The following DMXL1 variants were observed in gnomAD, a reference collection of about 807,000 sequenced individuals.
The protein encoded by DMXL1 is dmX-like protein 1.
In DMXL1, 99 loss-of-function variants were observed where a neutral mutation model predicts 319.2. The ratio of observed to expected loss-of-function variants is 0.31; its 90% CI spans 0.26 to 0.37. The LOEUF (loss-of-function observed/expected upper bound fraction) is 0.37, where lower values mean the gene tolerates loss of function less well. DMXL1 is among the 10% of genes least tolerant of loss of function. DMXL1 has a pLI of 1.00. For missense variants in DMXL1, 3,745 were observed against 3,595.6 expected (o/e 1.04, Z -1.06); for synonymous variants, 1,385 against 1,235.2 (o/e 1.12, Z -2.54).
intron 1 of DMXL1, among the ~76,000 whole-genome samples, chr5:119,076,008 T>G (rs1750770159): frequency 6.6e-6 from 1 of 152,232 alleles, no homozygotes; most frequent in Non-Finnish European, 1.5e-5. Context: ...CTTTTTCTTT[T>G]GTGGTTTATC....
intron 35 of DMXL1, among the ~76,000 whole-genome samples, chr5:119,217,848 T>C (rs780685956): frequency 4.6e-5 from 7 of 152,146 alleles, no homozygotes; most frequent in Non-Finnish European, 8.8e-5. Flanking sequence ...TTCTGTGCTA[T>C]GTCTGTCTTC....
chr5:119,201,712 G>T (rs2150442943), intron 32 of DMXL1, among the ~76,000 whole-genome samples: 1 of 152,078 alleles, frequency 6.6e-6, no homozygotes, highest in South Asian at 2.1e-4. Flanking sequence ...GCCTTTTTTG[G>T]TTGGTATGCT....
chr5:119,203,268 TAGTC>T (rs1355661899), intron 32 of DMXL1, 47 bp from the exon 33 acceptor site: 1 of 1,174,690 alleles, frequency 8.5e-7, no homozygotes, highest in Non-Finnish European at 1.2e-6. Context: ...GTTATCAAGT[TAGTC>T]AGAAATTTCT....
chr5:119,122,858 G>A (rs546320267), intron 9 of DMXL1, among the ~76,000 whole-genome samples: 4 of 150,604 alleles, frequency 2.7e-5, no homozygotes, highest in South Asian at 2.1e-4. Flanking sequence ...CATCCCAGAC[G>A]ATGGGCGGCC....
chr5:119,201,458 G>C lies in DMXL1; in HGVS notation c.7746-1861G>C, dbSNP rs1188684395. Among the ~76,000 whole-genome samples, 3 of 152,034 alleles carry C rather than the reference G, an allele frequency of 2.0e-5. No homozygotes were observed. In the South Asian group the frequency reaches 6.2e-4, roughly 32 times the overall value. On this transcript the variant is annotated intron_variant, in intron 32 of 43. Transcript: ENST00000539542. ...AATTAGCTTTTTGATGTGCTGCTGG[G>C]TTTGGTTTGCAAGTATTTTGTTGAG...
chr5:119,105,427 T>C (rs947428566), intron 4 of DMXL1, among the ~76,000 whole-genome samples, 169 bp downstream of exon 4: 11 of 152,212 alleles, frequency 7.2e-5, no homozygotes, highest in Admixed American at 2.0e-4. Flanking sequence ...AAGACAGATA[T>C]GCACTGTAAG....
At chr5:119,227,641 T>C (rs1412351447) in intron 38 of DMXL1, among the ~76,000 whole-genome samples, 1 of 152,152 alleles carries the variant, frequency 6.6e-6, no homozygotes, top group Non-Finnish European at 1.5e-5. Flanking sequence ...AGGTATCTTA[T>C]TTGCTCTGTC....
chr5:119,130,740 G>T (rs555395909), intron 10 of DMXL1, among the ~76,000 whole-genome samples: 1 of 152,056 alleles, frequency 6.6e-6, no homozygotes, highest in Non-Finnish European at 1.5e-5. Context: ...TGTCTAACAG[G>T]TCTTCTATTG....
intron 1 of DMXL1, among the ~76,000 whole-genome samples, chr5:119,082,969 T>C (rs1325824752): frequency 6.6e-6 from 1 of 152,208 alleles, no homozygotes; most frequent in East Asian, 1.9e-4. Flanking sequence ...TATTTGTCTT[T>C]CTGAGCTTGG....
chr5:119,126,142 G>T (rs1020150190), intron 9 of DMXL1, among the ~76,000 whole-genome samples: 1 of 152,108 alleles, frequency 6.6e-6, no homozygotes, highest in Non-Finnish European at 1.5e-5. Context: ...AATTAGCCAG[G>T]CGTGGTGGTG....
chr5:119,196,189 C>T (rs1779591599), intron 30 of DMXL1, among the ~76,000 whole-genome samples, 182 bp from the exon 31 acceptor site: 1 of 152,120 alleles, frequency 6.6e-6, no homozygotes, highest in Non-Finnish European at 1.5e-5. Context: ...TTGGTTATTT[C>T]TACACTTCTG....
rs968932150 is a variant in DMXL1, at chr5:119,149,976, C to T, written c.4149C>T (p.Thr1383=). ...CAATCAGTGCTAGTGGAAGCACTAC[C>T]AGAGACCCCCAGGCATTCAACAAGG... The part of the protein sequence containing the change: ...SLTISASGST[T]RDPQAFNKAE... The change falls in exon 18 of 44, where the codon ACC becomes ACT. Residue 1383 remains threonine (T), a synonymous_variant. Transcript: ENST00000539542. 3.7e-6 allele frequency: 6 copies of T among 1,613,722 alleles called. No individual in the cohort carries two copies. In the African/African-American group the frequency reaches 6.7e-5, roughly 18 times the overall value.
Position 119,178,203 on chromosome 5 carries a change from A to G in DMXL1, c.7094A>G (p.His2365Arg), listed in dbSNP as rs764437261. 5 of 1,613,902 alleles carry G rather than the reference A, an allele frequency of 3.1e-6. No individual in the cohort carries two copies. In the East Asian group the frequency reaches 6.7e-5, roughly 22 times the overall value. Residue 2365 changes from histidine to arginine, a missense_variant, in exon 28 of 44, where the codon CAT (histidine) becomes CGT (arginine). By Grantham distance (29) the His-to-Arg change is conservative. Around this residue, in one of 4 missense-constraint regions of DMXL1, gnomAD observed 1,382 missense variants for 1,269.5 expected, o/e 1.09. Coordinates refer to ENST00000539542, the MANE Select transcript of DMXL1 (RefSeq NM_001290321.3). ...MWSAVFGGGA[H>R]VPSKEQTHSK... ...TCTGCTGTGTTTGGTGGAGGTGCAC[A>G]TGTTCCTAGCAAAGAACAGACACAT...
At chr5:119,242,797 T>C (rs1048951306) in intron 42 of DMXL1, among the ~76,000 whole-genome samples, 1 of 152,154 alleles carries the variant, frequency 6.6e-6, no homozygotes, top group Non-Finnish European at 1.5e-5. Context: ...ACTAATAGAC[T>C]CACATATATA....
intron 13 of DMXL1, 28 bp downstream of exon 13, chr5:119,134,417 A>T: frequency 6.4e-7 from 1 of 1,553,644 alleles, no homozygotes; most frequent in Non-Finnish European, 8.7e-7. Context: ...AAACAGCTTA[A>T]GTATATAATA....
rs1789405494 is a variant in DMXL1 at position 119,244,583 on chromosome 5, A to G, written c.8922+7A>G. The G allele has an allele frequency of 1.2e-6, 2 of 1,605,486 alleles. No homozygotes were observed. The highest frequency in any genetic ancestry group is 1.7e-6 in the Non-Finnish European group (2 of 1,172,442). Reference sequence around the variant, plus strand: ...TGCCGAAGGCAATATAAAGGTAAACACAGTTGATGCCACAACATCTACAAA... The same window carrying G: ...TGCCGAAGGCAATATAAAGGTAAACGCAGTTGATGCCACAACATCTACAAA... On this transcript the variant is annotated splice_region_variant and intron_variant, in intron 43 of 43. Transcript: ENST00000539542.
intron 13 of DMXL1, among the ~76,000 whole-genome samples, chr5:119,137,115 A>G (rs1766186102): frequency 6.6e-6 from 1 of 152,246 alleles, no homozygotes; most frequent in South Asian, 2.1e-4. Context: ...GAGTTTCCCA[A>G]GGCCGTGGGA....
Position 119,170,574 on chromosome 5 carries a change from T to G in DMXL1, c.5783T>G (p.Leu1928Arg), listed in dbSNP as rs1337626362. Residue 1928 changes from leucine to arginine, a missense_variant, in exon 24 of 44, where the codon CTG becomes CGG. Leu to Arg is a moderately radical substitution (Grantham distance 102). This residue lies in a region of DMXL1 where 1,382 missense variants were observed against 1,269.5 expected (regional missense o/e 1.09). Transcript: ENST00000539542. ...KSSAVDWSQSLINGFGSSSEG... is the reference protein window; with the variant it reads ...KSSAVDWSQSRINGFGSSSEG... ...TCTGCTGTTGATTGGTCACAGTCAC[T>G]GATAAATGGTTTTGGATCTTCTTCA... 1 of 1,613,958 alleles carries G rather than the reference T, an allele frequency of 6.2e-7. No homozygotes were observed. Among genetic ancestry groups the G allele is most frequent in the South Asian group, 1.1e-5 (1 of 91,068 alleles).
At position 119,175,287 on chromosome 5, in the gene DMXL1, T is replaced by C; in HGVS notation, c.6708T>C (p.Ala2236=). The C allele has an allele frequency of 6.2e-7, 1 of 1,612,048 alleles. No individual in the cohort carries two copies. Among genetic ancestry groups the C allele is most frequent in the Non-Finnish European group, 8.5e-7 (1 of 1,179,094 alleles). ...NKVYVMHTLA[A]SLSACIYQCL... ...TGTATGTAATGCATACTTTAGCAGCTTCACTTTCTGCTTGTATTTATCAGT... is the reference window on the plus strand; with the variant it reads ...TGTATGTAATGCATACTTTAGCAGCCTCACTTTCTGCTTGTATTTATCAGT... Residue 2236 remains alanine, a synonymous_variant, in exon 26 of 44, where the codon GCT becomes GCC. Coordinates refer to ENST00000539542, the MANE Select transcript of DMXL1 (RefSeq NM_001290321.3).
Sources: allele counts gnomAD v4.1 joint callset (sites outside exome capture counted in the v4.1 genomes callset), GRCh38; gene constraint gnomAD v4.1.1; regional missense constraint gnomAD v4.1.1; transcripts MANE v1.5; gene names NCBI Gene and HGNC (gene_info 2026-07-23, HGNC 2026-07-21).